The following DCHS2 variants were observed in gnomAD, a reference collection of about 807,000 sequenced individuals.
The protein encoded by DCHS2 is dachsous cadherin-related 2.
In DCHS2, 142 loss-of-function variants were observed where a neutral mutation model predicts 182.4. The observed-to-expected ratio is 0.78, with a 90% CI of 0.68 to 0.89. The LOEUF is 0.89. Among genes scored for constraint, DCHS2 ranks in the 40% least tolerant of loss-of-function variants. The pLI, the probability that DCHS2 is intolerant of heterozygous loss-of-function variation, is 0.00. For synonymous variants in DCHS2, 1,740 were observed against 1,663.3 expected (o/e 1.05, Z -1.12); for missense variants, 4,319 against 4,198.6 (o/e 1.03, Z -0.79).
intron 1 of DCHS2, among the ~76,000 whole-genome samples, chr4:154,421,147 C>T (rs957872305): frequency 1.3e-5 from 2 of 152,226 alleles, no homozygotes; most frequent in Non-Finnish European, 2.9e-5. Flanking sequence ...CAAAATGCAG[C>T]TTTATGGAAC....
chr4:154,381,634 A>G lies in DCHS2; in HGVS notation c.2053-4190T>C, dbSNP rs2110819881. On this transcript the variant is annotated intron_variant, in intron 1 of 19. Transcript: ENST00000357232. ...ACAAAAATCAGTAGCATTCCTATAC[A>G]GCAATAATGTTCAAGCTGAGAGCCA... Among the ~76,000 whole-genome samples, 3 of 152,276 alleles carry G rather than the reference A, an allele frequency of 2.0e-5. No homozygotes were observed. In the East Asian group the frequency reaches 5.8e-4, roughly 29 times the overall value.
At position 154,232,695 on chromosome 4, in the gene DCHS2, A is replaced by G. The variant is rs1046114306; in HGVS notation, c.*1841T>C. 2 of 152,074 alleles carry G rather than the reference A, an allele frequency of 1.3e-5. No homozygotes were observed. Among genetic ancestry groups the G allele is most frequent in the African/African-American group, 2.4e-5 (1 of 41,406 alleles). 9.4% of individuals were successfully genotyped at this position (152,074 alleles called of 1,614,324 possible). A position where few individuals can be genotyped will look rare whatever the true frequency, so the allele number is the denominator to read the frequency against. On this transcript the variant is annotated 3_prime_UTR_variant, in exon 20 of 20. Coordinates refer to ENST00000357232, the MANE Select transcript of DCHS2 (RefSeq NM_001358235.2). ...AATGTTTTCAAAAGAGTCAGAGATAATAAATACTGGAACACATAAATGATT... is the reference window on the plus strand; with the variant it reads ...AATGTTTTCAAAAGAGTCAGAGATAGTAAATACTGGAACACATAAATGATT...
At chr4:154,274,756 G>T (rs1277707628) in intron 13 of DCHS2, among the ~76,000 whole-genome samples, 1 of 152,116 alleles carries the variant, frequency 6.6e-6, no homozygotes, top group Non-Finnish European at 1.5e-5. Flanking sequence ...TCTATTGTGA[G>T]AGATTAGAAA....
chr4:154,379,348 G>T (rs1003678953), intron 1 of DCHS2, among the ~76,000 whole-genome samples: 4 of 152,144 alleles, frequency 2.6e-5, no homozygotes, highest in Admixed American at 2.0e-4. Flanking sequence ...CCAGTTATAT[G>T]TCCCCAGCTT....
intron 3 of DCHS2, 114 bp downstream of exon 3, chr4:154,366,096 T>G: frequency 2.7e-6 from 2 of 732,498 alleles, no homozygotes; most frequent in Non-Finnish European, 4.7e-6. Context: ...GTTAAGTGAG[T>G]CCTGCAACAC....
At chr4:154,263,372 T>TAA (rs1219235751) in intron 14 of DCHS2, among the ~76,000 whole-genome samples, 1 of 151,976 alleles carries the variant, frequency 6.6e-6, no homozygotes, top group South Asian at 2.1e-4. Context: ...ATTATATATA[T>TAA]AATACATATA....
At chr4:154,317,148 A>G (rs1735890756) in intron 9 of DCHS2, among the ~76,000 whole-genome samples, 1 of 152,248 alleles carries the variant, frequency 6.6e-6, no homozygotes, top group African/African-American at 2.4e-5. Flanking sequence ...CCCATCTCAT[A>G]TGAATGCATT....
intron 9 of DCHS2, 145 bp downstream of exon 9, chr4:154,320,234 T>C: frequency 1.5e-6 from 2 of 1,329,284 alleles, no homozygotes; most frequent in East Asian, 2.5e-5. Flanking sequence ...AGGTAAATAA[T>C]ATCTAGAGAT....
chr4:154,241,103 C>T (rs887681817), intron 17 of DCHS2, among the ~76,000 whole-genome samples: 5 of 152,058 alleles, frequency 3.3e-5, no homozygotes, highest in Non-Finnish European at 7.4e-5. Flanking sequence ...CAACACAATT[C>T]CAGTACCAAG....
intron 1 of DCHS2, among the ~76,000 whole-genome samples, chr4:154,382,412 A>G (rs1731209841): frequency 6.6e-6 from 1 of 152,180 alleles, no homozygotes; most frequent in African/African-American, 2.4e-5. Context: ...CCTAGGAAAC[A>G]ACATTCTGGA....
chr4:154,248,093 C>CAG (rs1346060389), intron 16 of DCHS2, among the ~76,000 whole-genome samples: 1 of 152,058 alleles, frequency 6.6e-6, no homozygotes, highest in Non-Finnish European at 1.5e-5. Flanking sequence ...ATGCAGATAA[C>CAG]AGAGCTTATG....
chr4:154,397,357 T>C (rs912775381), intron 1 of DCHS2, among the ~76,000 whole-genome samples: 2 of 152,220 alleles, frequency 1.3e-5, no homozygotes, highest in Non-Finnish European at 2.9e-5. Context: ...AGGCCAAAAG[T>C]TTGAAGTAAG....
rs1281915210 is a variant in DCHS2, at chr4:154,319,091, GA to G, written c.5020+1287del. Among the ~76,000 whole-genome samples the G allele has an allele frequency of 2.0e-5, 3 of 152,026 alleles. No homozygotes were observed. The East Asian group carries it at 5.8e-4, about 29-fold the overall frequency. On this transcript the variant is annotated intron_variant, in intron 9 of 19. Transcript: ENST00000357232. ...ACAAGGTTTCCAATACTACACTTTC[GA>G]AAAAGGCTAATCTCTTCAACAAATG... is the stretch of plus-strand genomic sequence containing the variant.
At chr4:154,391,259 G>T in intron 1 of DCHS2, 1 of 1,608,792 alleles carries the variant, frequency 6.2e-7, no homozygotes, top group Non-Finnish European at 8.5e-7. Context: ...TCTTTTCTCC[G>T]TCTTCATTCT....
chr4:154,318,453 G>T (rs892426148), intron 9 of DCHS2, among the ~76,000 whole-genome samples: 1 of 151,884 alleles, frequency 6.6e-6, no homozygotes, highest in African/African-American at 2.4e-5. Flanking sequence ...TAGATTACAT[G>T]ATCTTATATA....
intron 1 of DCHS2, among the ~76,000 whole-genome samples, chr4:154,475,853 C>A (rs1440646525): frequency 2.6e-5 from 4 of 152,052 alleles, no homozygotes; most frequent in Admixed American, 2.6e-4. Context: ...ATTATTATCC[C>A]ATTTTCTAGA....
chr4:154,352,922 G>A (rs1729687683), intron 3 of DCHS2, among the ~76,000 whole-genome samples: 2 of 152,164 alleles, frequency 1.3e-5, no homozygotes, highest in Admixed American at 1.3e-4. Context: ...GAGAATCTCA[G>A]AAGAGTTTCT....
At chr4:154,374,068 A>G in intron 2 of DCHS2, 2 of 928,854 alleles carry the variant, frequency 2.2e-6, no homozygotes, top group South Asian at 1.7e-5. Context: ...ACCAGAAAAG[A>G]CACCTGGATT....
chr4:154,317,340 G>C (rs1029564909), intron 9 of DCHS2, among the ~76,000 whole-genome samples: 1 of 152,176 alleles, frequency 6.6e-6, no homozygotes, highest in African/African-American at 2.4e-5. Flanking sequence ...TACTGAAACA[G>C]GTCCTTGGAG....
Sources: allele counts gnomAD v4.1 joint callset (sites outside exome capture counted in the v4.1 genomes callset), GRCh38; gene constraint gnomAD v4.1.1; transcripts MANE v1.5; gene names NCBI Gene and HGNC (gene_info 2026-07-23, HGNC 2026-07-21).